The following DMD variants were observed in gnomAD, a reference collection of about 807,000 sequenced individuals.
DMD encodes the protein mutant dystrophin.
A neutral mutation model predicts 330.1 loss-of-function variants in DMD; 63 were observed. That is an observed-to-expected ratio of 0.19 (90% CI 0.16 to 0.24). DMD has a LOEUF of 0.24. DMD is among the 10% of genes least tolerant of loss of function. The pLI is 1.00. For missense variants in DMD, 3,344 were observed against 2,684.1 expected (o/e 1.25, Z -5.43); for synonymous variants, 1,223 against 959.8 (o/e 1.27, Z -5.07).
intron 11 of DMD, among the ~76,000 whole-genome samples, chrX:32,626,733 C>A (rs376735750): frequency 9.7e-5 from 10 of 103,531 alleles, no homozygotes; most frequent in East Asian, 5.8e-4. Context: ...ATGGGTGCAG[C>A]AAACCAACAT....
intron 44 of DMD, among the ~76,000 whole-genome samples, chrX:31,986,481 C>T (rs1363297988): frequency 1.8e-5 from 2 of 110,827 alleles, no homozygotes; most frequent in Admixed American, 9.6e-5. Flanking sequence ...GGTGTGATCC[C>T]GGCTCACTGC....
At chrX:32,635,043 C>A (rs1281779169) in intron 11 of DMD, among the ~76,000 whole-genome samples, 1 of 111,941 alleles carries the variant, frequency 8.9e-6, no homozygotes, top group South Asian at 3.7e-4. Context: ...TGATTCTTCC[C>A]TGTCTAGGGT....
intron 2 of DMD, among the ~76,000 whole-genome samples, chrX:32,932,422 A>T (rs1423394970): frequency 4.5e-5 from 5 of 112,036 alleles, no homozygotes; most frequent in Non-Finnish European, 9.4e-5. Context: ...TTTTATTTTC[A>T]GGGGAACTTC....
chrX:33,269,957 T>C (rs974435011), intron 1 of DMD, among the ~76,000 whole-genome samples: 1 of 109,509 alleles, frequency 9.1e-6, no homozygotes, highest in Non-Finnish European at 1.9e-5. Flanking sequence ...ATATGGAGCT[T>C]ATATATATGT....
intron 2 of DMD, among the ~76,000 whole-genome samples, chrX:33,008,544 T>A (rs1364781733): frequency 9.1e-6 from 1 of 110,205 alleles, no homozygotes; most frequent in Non-Finnish European, 1.9e-5. Flanking sequence ...GTAGGTCAAT[T>A]GGAAATGTTT....
intron 29 of DMD, among the ~76,000 whole-genome samples, chrX:32,417,178 G>A (rs940792254): frequency 5.4e-5 from 6 of 111,647 alleles, no homozygotes; most frequent in African/African-American, 2.0e-4. Context: ...CATTCTAAGA[G>A]ATGGAAATAG....
intron 55 of DMD, among the ~76,000 whole-genome samples, chrX:31,550,791 A>T (rs1265613242): frequency 1.8e-5 from 2 of 111,764 alleles, no homozygotes; most frequent in East Asian, 5.6e-4. Context: ...TGTTATGGTG[A>T]CTCAGTCTGG....
intron 48 of DMD, among the ~76,000 whole-genome samples, chrX:31,845,209 T>C (rs945395442): frequency 5.4e-5 from 6 of 110,784 alleles, no homozygotes; most frequent in African/African-American, 1.3e-4. Flanking sequence ...AGTGAAGAAA[T>C]GAGTCATGTC....
intron 7 of DMD, chrX:32,755,003 G>A (rs2071322551): frequency 9.0e-6 from 1 of 111,123 alleles, no homozygotes; most frequent in Non-Finnish European, 1.9e-5. Flanking sequence ...AGTTACCACT[G>A]CCCCTTCAAA....
intron 71 of DMD, among the ~76,000 whole-genome samples, chrX:31,177,487 T>G (rs2040641561): frequency 8.9e-6 from 1 of 111,851 alleles, no homozygotes; most frequent in Admixed American, 9.5e-5. Flanking sequence ...CTGCTGATTT[T>G]TAATAGTCCA....
chrX:33,214,141 G>T (rs764589788), upstream of DMD, among the ~76,000 whole-genome samples: 1 of 109,014 alleles, frequency 9.2e-6, no homozygotes, highest in African/African-American at 3.4e-5. Context: ...GTAGTTCATG[G>T]CATGGATGTT....
At position 31,444,516 on chromosome X, in the gene DMD, G is replaced by C; in HGVS notation, c.9049C>G (p.Leu3017Val). ...TTCCATCTGGTGTTCAGGTCTTCCA[G>C]AGTGCTGAGGTTATACGGTGAGAGC... ...IQLSPYNLSTLEDLNTRWKLL... is the reference protein window; with the variant it reads ...IQLSPYNLSTVEDLNTRWKLL... The change falls in exon 60 of 79, where the codon CTG (leucine) becomes GTG (valine). Residue 3017 changes from leucine (L) to valine (V), a missense_variant. Physicochemically the swap from Leu to Val is conservative, Grantham distance 32 (BLOSUM62 1). Transcript: ENST00000357033. 1 of 1,211,814 alleles carries C rather than the reference G, an allele frequency of 8.3e-7. No homozygotes were observed. Among genetic ancestry groups the C allele is most frequent in the African/African-American group, 1.7e-5 (1 of 57,833 alleles).
chrX:33,037,931 T>C (rs1248028375), intron 1 of DMD, among the ~76,000 whole-genome samples: 1 of 112,094 alleles, frequency 8.9e-6, no homozygotes, highest in East Asian at 2.8e-4. Flanking sequence ...AACAATATCA[T>C]TACATTCGAA....
Position 32,491,294 on chromosome X carries a change from G to T in DMD, c.2605C>A (p.Gln869Lys). The T allele has an allele frequency of 8.3e-7, 1 of 1,211,578 alleles. No homozygotes were observed. Among genetic ancestry groups the T allele is most frequent in the South Asian group, 1.8e-5 (1 of 56,955 alleles). Residue 869 changes from glutamine (Q) to lysine (K), a missense_variant, in exon 20 of 79, where the codon CAG (glutamine) becomes AAG (lysine). Coordinates refer to ENST00000357033, the MANE Select transcript of DMD (RefSeq NM_004006.3). ...ATTCTTACCTTACAAATTTTTAACT[G>T]ACTTTTAATTGCTGTTGGCTCTGAT... ...TPSEPTAIKS[Q>K]LKICKDEVNR...
chrX:32,779,415 G>A (rs975571994), intron 7 of DMD, among the ~76,000 whole-genome samples: 13 of 109,793 alleles, frequency 1.2e-4, no homozygotes, highest in African/African-American at 3.3e-4. Flanking sequence ...TTTTTCATGA[G>A]GTTTTTAAAA....
intron 29 of DMD, among the ~76,000 whole-genome samples, chrX:32,428,595 A>G (rs1389232240): frequency 7.2e-5 from 8 of 111,537 alleles, no homozygotes; most frequent in Admixed American, 4.8e-4. Flanking sequence ...TTTTAAAGGT[A>G]TTTTCCCAGG....
At chrX:32,018,056 T>C (rs1459388396) in intron 44 of DMD, among the ~76,000 whole-genome samples, 1 of 111,361 alleles carries the variant, frequency 9.0e-6, no homozygotes, top group Non-Finnish European at 1.9e-5. Context: ...ACAGATAATA[T>C]ATCTGCACAT....
At chrX:33,224,593 A>G (rs1056231141) in intron 1 of DMD, among the ~76,000 whole-genome samples, 34 of 111,579 alleles carry the variant, frequency 3.0e-4, no homozygotes, top group African/African-American at 1.1e-3. Flanking sequence ...TAGGCAGAGC[A>G]CAAATATTTT....
chrX:31,320,738 C>A (rs1244514994), intron 62 of DMD, among the ~76,000 whole-genome samples: 1 of 111,993 alleles, frequency 8.9e-6, no homozygotes, highest in Non-Finnish European at 1.9e-5. Context: ...TATGTTTTCC[C>A]TATATTACAG....
Sources: gnomAD v4.1 joint callset for allele counts (sites outside exome capture counted in the v4.1 genomes callset) on GRCh38, gnomAD v4.1.1 for gene constraint, MANE v1.5 for transcripts, NCBI Gene and HGNC (gene_info 2026-07-23, HGNC 2026-07-21) for gene names.